SFT2D2: variants seen among roughly 807,000 people sequenced by gnomAD.
SFT2D2 encodes vesicle transport protein SFT2B.
Under a neutral mutation model 27.4 loss-of-function variants are expected in SFT2D2, and 21 were observed. That is an observed-to-expected ratio of 0.77 (90% CI 0.54 to 1.10). The LOEUF (loss-of-function observed/expected upper bound fraction) is 1.10. Among genes scored for constraint, SFT2D2 ranks in the 50% least tolerant of loss-of-function variants. The pLI is 0.00. For synonymous variants in SFT2D2, 72 were observed against 71.7 expected (o/e 1.00, Z -0.02); for missense variants, 187 against 194.2 (o/e 0.96, Z 0.22).
chr1:168,237,056 ATAT>A (rs992219806), intron 6 of SFT2D2, among the ~76,000 whole-genome samples: 4 of 152,338 alleles, frequency 2.6e-5, no homozygotes, highest in African/African-American at 9.6e-5. Flanking sequence ...GATGTTACAA[ATAT>A]TATTAAGCCA....
In SFT2D2 at chr1:168,249,233, T is replaced by C. The variant is rs540966137; in HGVS notation, c.*6693T>C. On this transcript the variant is annotated 3_prime_UTR_variant, in exon 8 of 8. Transcript: ENST00000271375. ...GGGCATTTAGTGCTATAAATTTCCCTCTACACACTGCTTTAATTTTGAAAT... is the reference window on the plus strand; with the variant it reads ...GGGCATTTAGTGCTATAAATTTCCCCCTACACACTGCTTTAATTTTGAAAT... The C allele has an allele frequency of 1.3e-5, 2 of 152,232 alleles. No homozygotes were observed. The highest frequency in any genetic ancestry group is 2.9e-5 in the Non-Finnish European group (2 of 68,048). The allele number at this position is 152,232 out of a possible 1,614,324, so 9.4% of individuals were successfully genotyped here.
Position 168,252,514 on chromosome 1 carries a change from A to G in SFT2D2, c.*9974A>G, listed in dbSNP as rs955983977. 6.6e-6 allele frequency: 1 copy of G among 152,154 alleles called. No homozygotes were observed. Among genetic ancestry groups the G allele is most frequent in the Non-Finnish European group, 1.5e-5 (1 of 68,028 alleles). 9.4% of individuals were successfully genotyped at this position (152,154 alleles called of 1,614,324 possible). A position where few individuals can be genotyped will look rare whatever the true frequency, so the allele number is the denominator to read the frequency against. ...CTCCCAAGGGAGAGCTATGGTTTAC[A>G]TTCAATTTTTTGGTCTTTCTGCTAT... On this transcript the variant is annotated 3_prime_UTR_variant, in exon 8 of 8. Coordinates refer to ENST00000271375, the MANE Select transcript of SFT2D2 (RefSeq NM_199344.3).
At chr1:168,241,164 A>G (rs943912644) in intron 7 of SFT2D2, among the ~76,000 whole-genome samples, 38 of 150,662 alleles carry the variant, frequency 2.5e-4, no homozygotes, top group African/African-American at 9.2e-4. Context: ...TTACTCCTCT[A>G]GTAGGGAGGG....
chr1:168,239,042 G>C, intron 6 of SFT2D2, 89 bp from the exon 7 acceptor site: 1 of 976,702 alleles, frequency 1.0e-6, no homozygotes. Flanking sequence ...GATCACTGCA[G>C]GTATTCTTAC....
rs1320800704 is a variant in SFT2D2, at chr1:168,246,384, A to G, written c.*3844A>G. 15 of 641,038 alleles carry G rather than the reference A, an allele frequency of 2.3e-5. No individual in the cohort carries two copies. The South Asian group carries it at 2.9e-4, about 12-fold the overall frequency. 39.7% of individuals were successfully genotyped at this position (641,038 alleles called of 1,614,324 possible). ...TACTTGCTTTTCTGTGCATTTTTCT[A>G]CTTTATCTTGGCCACTTGTGTACAT... On this transcript the variant is annotated 3_prime_UTR_variant, in exon 8 of 8. Transcript: ENST00000271375.
At chr1:168,239,052 C>A in intron 6 of SFT2D2, 79 bp from the exon 7 acceptor site, 1 of 1,077,226 alleles carries the variant, frequency 9.3e-7, no homozygotes, top group Non-Finnish European at 1.4e-6. Flanking sequence ...GGTATTCTTA[C>A]AGCTCAGAAG....
At chr1:168,238,525 T>A (rs749730126) in intron 6 of SFT2D2, among the ~76,000 whole-genome samples, 2 of 151,286 alleles carry the variant, frequency 1.3e-5, no homozygotes, top group Non-Finnish European at 2.9e-5. Context: ...AAAAAAACAT[T>A]AAAAAATTAG....
At chr1:168,241,441 C>G (rs1647642237) in intron 7 of SFT2D2, among the ~76,000 whole-genome samples, 3 of 151,874 alleles carry the variant, frequency 2.0e-5, no homozygotes, top group African/African-American at 7.3e-5. Context: ...GATTGGCCCA[C>G]CTCGGCCTCC....
At chr1:168,238,637 A>G (rs1048247487) in intron 6 of SFT2D2, among the ~76,000 whole-genome samples, 3 of 152,080 alleles carry the variant, frequency 2.0e-5, no homozygotes, top group Non-Finnish European at 4.4e-5. Flanking sequence ...TCAAGGCTGC[A>G]GTGAGCTATG....
Position 168,251,344 on chromosome 1 carries a change from T to G in SFT2D2, c.*8804T>G, listed in dbSNP as rs1210154149. 6.6e-6 allele frequency: 1 copy of G among 152,120 alleles called. No individual in the cohort carries two copies. The highest frequency in any genetic ancestry group is 1.5e-5 in the Non-Finnish European group (1 of 68,024). The allele number at this position is 152,120 out of a possible 1,614,324, so 9.4% of individuals were successfully genotyped here. ...ATAAATAAAAAAAAAAATCACTTTT[T>G]GATACTTCTGTTAAAATAGATAATA... On this transcript the variant is annotated 3_prime_UTR_variant, in exon 8 of 8. Transcript: ENST00000271375.
intron 6 of SFT2D2, 130 bp from the exon 7 acceptor site, chr1:168,239,001 C>G (rs529513077): frequency 1.4e-6 from 1 of 730,496 alleles, no homozygotes; most frequent in African/African-American, 1.7e-5. Flanking sequence ...ATGCTCATCC[C>G]CCAGGCTGAG....
chr1:168,247,910 G>A lies in SFT2D2; in HGVS notation c.*5370G>A, dbSNP rs1318950072. ...TGGCATCTGATGGTGGTTTTGATTT[G>A]CATTTCCCTAATGACCAGTGATGAT... On this transcript the variant is annotated 3_prime_UTR_variant, in exon 8 of 8. Coordinates refer to ENST00000271375, the MANE Select transcript of SFT2D2 (RefSeq NM_199344.3). 6.6e-6 allele frequency: 1 copy of A among 152,200 alleles called. No homozygotes were observed. Among genetic ancestry groups the A allele is most frequent in the African/African-American group, 2.4e-5 (1 of 41,448 alleles). The allele number at this position is 152,200 out of a possible 1,614,324, so 9.4% of individuals were successfully genotyped here.
chr1:168,251,843 A>G lies in SFT2D2; in HGVS notation c.*9303A>G, dbSNP rs1052999218. The G allele has an allele frequency of 3.3e-5, 5 of 152,188 alleles. No homozygotes were observed. The highest frequency in any genetic ancestry group is 2.0e-4 in the Admixed American group (3 of 15,278). The allele number at this position is 152,188 out of a possible 1,614,324, so 9.4% of individuals were successfully genotyped here. On this transcript the variant is annotated 3_prime_UTR_variant, in exon 8 of 8. Coordinates refer to ENST00000271375, the MANE Select transcript of SFT2D2 (RefSeq NM_199344.3). ...TCTGTGTAACTCTTGGTAAGATATA[A>G]CAAAACCTAGACATCTAAATTTTTT...
chr1:168,238,973 G>A (rs920473217), intron 6 of SFT2D2, among the ~76,000 whole-genome samples, 158 bp from the exon 7 acceptor site: 4 of 152,242 alleles, frequency 2.6e-5, no homozygotes, highest in South Asian at 2.1e-4. Context: ...ATGCACATGC[G>A]TGGGCCTTTG....
intron 6 of SFT2D2, among the ~76,000 whole-genome samples, chr1:168,238,922 A>G (rs1647576755): frequency 1.3e-5 from 2 of 152,122 alleles, no homozygotes; most frequent in Non-Finnish European, 2.9e-5. Context: ...GTGGCTGCCT[A>G]TCTGTACATG....
intron 5 of SFT2D2, 23 bp downstream of exon 5, chr1:168,236,647 C>A: frequency 6.2e-7 from 1 of 1,613,330 alleles, no homozygotes; most frequent in Non-Finnish European, 8.5e-7. Context: ...TTTAATTTTT[C>A]TTAACCATTT....
In SFT2D2 at chr1:168,231,860, G is replaced by T. The variant is rs763361109; in HGVS notation, c.177G>T (p.Arg59Ser). 6.2e-7 allele frequency: 1 copy of T among 1,614,152 alleles called. No individual in the cohort carries two copies. The highest frequency in any genetic ancestry group is 8.5e-7 in the Non-Finnish European group (1 of 1,180,020). Residue 59 changes from arginine (R) to serine (S), a missense_variant, in exon 3 of 8, where the codon AGG (arginine) becomes AGT (serine). By Grantham distance (110) the Arg-to-Ser change is moderately radical. Coordinates refer to ENST00000271375, the MANE Select transcript of SFT2D2 (RefSeq NM_199344.3). The stretch of plus-strand genomic sequence containing the variant: ...GTACTGTTCTGCTGTGGGTGCCCAG[G>T]AAGGGACTACACCTCTTCGCAGTGT... ...LLGTVLLWVP[R>S]KGLHLFAVFY... is the part of the protein sequence containing the mutation.
At chr1:168,237,339 C>T (rs556967499) in intron 6 of SFT2D2, among the ~76,000 whole-genome samples, 1 of 152,094 alleles carries the variant, frequency 6.6e-6, no homozygotes, top group Non-Finnish European at 1.5e-5. Context: ...GGTAATTCAG[C>T]TGAAGAGTAG....
chr1:168,234,261 G>A (rs906438620), intron 3 of SFT2D2, among the ~76,000 whole-genome samples: 27 of 152,094 alleles, frequency 1.8e-4, no homozygotes, highest in African/African-American at 5.8e-4. Flanking sequence ...GGGTGTGGTG[G>A]CGTGTGCCTG....
Sources: gnomAD v4.1 joint callset for allele counts (sites outside exome capture counted in the v4.1 genomes callset) on GRCh38, gnomAD v4.1.1 for gene constraint, MANE v1.5 for transcripts, NCBI Gene and HGNC (gene_info 2026-07-23, HGNC 2026-07-21) for gene names.